TMEM94: variants seen among roughly 807,000 people sequenced by gnomAD.
The protein encoded by TMEM94 is transmembrane protein 94.
TMEM94 carries 81 observed loss-of-function variants against 158.6 expected under a neutral mutation model. The ratio of observed to expected loss-of-function variants is 0.51; its 90% CI spans 0.43 to 0.61. The LOEUF is 0.61. Ranked by LOEUF, TMEM94 falls within the 20% of genes least tolerant of loss-of-function variation. The probability of loss-of-function intolerance (pLI) is 0.00; values close to 1 mark genes in which losing one functional copy is unlikely to be tolerated. For missense variants in TMEM94, 1,435 were observed against 1,762.0 expected (o/e 0.81, Z 3.32); for synonymous variants, 751 against 730.7 (o/e 1.03, Z -0.45).
chr17:75,498,076 C>T lies in TMEM94; in HGVS notation c.3490-99C>T. The T allele has an allele frequency of 6.6e-7, 1 of 1,507,910 alleles. No homozygotes were observed. The highest frequency in any genetic ancestry group is 1.2e-5 in the South Asian group (1 of 82,654). 93.4% of individuals were successfully genotyped at this position (1,507,910 alleles called of 1,614,324 possible). The stretch of plus-strand genomic sequence containing the variant: ...GGCTTGAGCTCCCTATCCCCCCAGG[C>T]CTGACCATTTACTAAGAGCCCGTTG... On this transcript the variant is annotated intron_variant, in intron 27 of 31. Transcript: ENST00000314256. The surrounding 1 kb of genome is among the most constrained non-coding windows in gnomAD (Gnocchi z 6.7).
chr17:75,492,375 G>T lies in TMEM94; in HGVS notation c.1597-99G>T, dbSNP rs1314002546. ...TCTCTCCTGGGAAGGGTGCCTTTCA[G>T]GGGCAGGAGCCCTCCCCAGCCTTGG... is the stretch of plus-strand genomic sequence containing the variant. On this transcript the variant is annotated intron_variant, in intron 14 of 31. Coordinates refer to ENST00000314256, the MANE Select transcript of TMEM94 (RefSeq NM_014738.6). The surrounding 1 kb of genome is among the most constrained non-coding windows in gnomAD (Gnocchi z 4.4). The T allele has an allele frequency of 6.8e-7, 1 of 1,467,882 alleles. No individual in the cohort carries two copies. Among genetic ancestry groups the T allele is most frequent in the Middle Eastern group, 2.2e-4 (1 of 4,512 alleles). The allele number at this position is 1,467,882 out of a possible 1,614,324, so 90.9% of individuals were successfully genotyped here.
rs2050564915 is a variant in TMEM94 at position 75,473,340 on chromosome 17, G to A, written c.24+1411G>A. ...TTGGCACAGAGGGAAAGCTACACTT[G>A]CCTCTCTCTTAGCTGGGAGTTAAGG... On this transcript the variant is annotated intron_variant, in intron 2 of 31. Transcript: ENST00000314256. Among the ~76,000 whole-genome samples the A allele has an allele frequency of 2.0e-5, 3 of 152,228 alleles. No individual in the cohort carries two copies. In the South Asian group the frequency reaches 6.2e-4, roughly 31 times the overall value.
Position 75,495,651 on chromosome 17 carries a change from C to T in TMEM94, c.2944+8C>T. The T allele has an allele frequency of 6.2e-7, 1 of 1,612,576 alleles. No individual in the cohort carries two copies. Among genetic ancestry groups the T allele is most frequent in the East Asian group, 2.2e-5 (1 of 44,890 alleles). On this transcript the variant is annotated splice_region_variant and intron_variant, in intron 22 of 31. Transcript: ENST00000314256. This position sits in a 1 kb window ranked among gnomAD's most constrained non-coding sequence, Gnocchi z 5.6. Reference sequence around the variant, plus strand: ...CCGACTGCACCCCAGAGAGTGAGTGCTGTGGCCATGGGTACTTGGGCAACC... The same window carrying T: ...CCGACTGCACCCCAGAGAGTGAGTGTTGTGGCCATGGGTACTTGGGCAACC...
Position 75,485,954 on chromosome 17 carries a change from C to T in TMEM94, c.228C>T (p.Ala76=), listed in dbSNP as rs771729866. 7.8e-5 allele frequency: 126 copies of T among 1,613,382 alleles called. No individual in the cohort carries two copies. The highest frequency in any genetic ancestry group is 9.6e-5 in the Non-Finnish European group (113 of 1,179,906). The part of the protein sequence containing the change: ...HWPGASLMLL[A]VLLLLGCCGG... Reference sequence around the variant, plus strand: ...CGGGGGCCTCACTCATGCTACTGGCCGTGCTGCTGCTGCTGGGCTGCTGCG... The same window carrying T: ...CGGGGGCCTCACTCATGCTACTGGCTGTGCTGCTGCTGCTGGGCTGCTGCG... The change falls in exon 4 of 32, where the codon GCC becomes GCT. Residue 76 remains alanine, a synonymous_variant. Coordinates refer to ENST00000314256, the MANE Select transcript of TMEM94 (RefSeq NM_014738.6). This position sits in a 1 kb window ranked among gnomAD's most constrained non-coding sequence, Gnocchi z 5.5.
Position 75,498,986 on chromosome 17 carries a change from G to T in TMEM94, c.3902G>T (p.Gly1301Val). Residue 1301 changes from glycine (G) to valine (V), a missense_variant, in exon 31 of 32, where the codon GGC (glycine) becomes GTC (valine). Around this residue, in one of 3 missense-constraint regions of TMEM94, gnomAD observed 335 missense variants for 409.1 expected, o/e 0.82. Coordinates refer to ENST00000314256, the MANE Select transcript of TMEM94 (RefSeq NM_014738.6). The surrounding 1 kb of genome is among the most constrained non-coding windows in gnomAD (Gnocchi z 6.7). ...WTHRDSHVHF[G>V]LEDVPLLTWL... ...CACAGGGACAGCCACGTCCACTTTG[G>T]CCTGGAGGACGTGCCCCTGCTGACA... 6.2e-7 allele frequency: 1 copy of T among 1,601,814 alleles called. No homozygotes were observed.
Position 75,498,666 on chromosome 17 carries a change from CCT to C in TMEM94, c.3772_3773del (p.Leu1258ValfsTer67). ...TCACCCATGTGCATCGCACCAAGCC[CCT>C]GTGGAGAAAGAGCCCCTTGACCAAC... ...SITHVHRTKPLWRKSPLTNLW... is the reference protein window; with the variant it reads ...SITHVHRTKPXWRKSPLTNLW... On this transcript the variant is annotated frameshift_variant, in exon 30 of 32. Transcript: ENST00000314256. LOFTEE classifies it high-confidence loss of function. This position sits in a 1 kb window ranked among gnomAD's most constrained non-coding sequence, Gnocchi z 6.7. 1 of 1,599,428 alleles carries C rather than the reference CCT, an allele frequency of 6.3e-7. No homozygotes were observed. The highest frequency in any genetic ancestry group is 8.5e-7 in the Non-Finnish European group (1 of 1,172,490).
At position 75,484,065 on chromosome 17, in the gene TMEM94, G is replaced by A. The variant is rs556214585; in HGVS notation, c.25-1363G>A. On this transcript the variant is annotated intron_variant, in intron 2 of 31. Coordinates refer to ENST00000314256, the MANE Select transcript of TMEM94 (RefSeq NM_014738.6). ...CAGGGAAAGGCTGGGCCACAAGGTC[G>A]CCTAAGATGATGTGGTTGGTCCCTG... Among the ~76,000 whole-genome samples the A allele has an allele frequency of 2.6e-5, 4 of 152,304 alleles. No homozygotes were observed. The South Asian group carries it at 6.2e-4, about 24-fold the overall frequency.
rs764892133 is a variant in TMEM94, at chr17:75,491,329, G to C, written c.1260G>C (p.Gly420=). 2.5e-6 allele frequency: 4 copies of C among 1,614,040 alleles called. No homozygotes were observed. Among genetic ancestry groups the C allele is most frequent in the African/African-American group, 2.7e-5 (2 of 74,938 alleles). The part of the protein sequence containing the change: ...VTVLCCVDKQ[G]ILSWPNPSPE... ...TCCTGTGCTGTGTGGACAAACAGGGGATCCTGTCATGGCCAAATCCCAGCC... is the reference window on the plus strand; with the variant it reads ...TCCTGTGCTGTGTGGACAAACAGGGCATCCTGTCATGGCCAAATCCCAGCC... The change falls in exon 13 of 32, where the codon GGG becomes GGC. Residue 420 remains glycine (G), a synonymous_variant. Transcript: ENST00000314256. The surrounding 1 kb of genome is among the most constrained non-coding windows in gnomAD (Gnocchi z 5.1).
At position 75,498,498 on chromosome 17, in the gene TMEM94, G is replaced by A. The variant is rs774484617; in HGVS notation, c.3693G>A (p.Ser1231=). Residue 1231 remains serine, a synonymous_variant, in exon 29 of 32, where the codon TCG becomes TCA. Coordinates refer to ENST00000314256, the MANE Select transcript of TMEM94 (RefSeq NM_014738.6). The surrounding 1 kb of genome is among the most constrained non-coding windows in gnomAD (Gnocchi z 6.7). ...AGGACTTTGCCAATGGACTGCTGTC[G>A]GCTCAGAAGCTCACGGCCGCCCTGA... ...WFEDFANGLL[S]AQKLTAALIV... The A allele has an allele frequency of 1.8e-5, 29 of 1,595,372 alleles. No homozygotes were observed. Among genetic ancestry groups the A allele is most frequent in the South Asian group, 3.4e-5 (3 of 88,264 alleles).
intron 1 of TMEM94, among the ~76,000 whole-genome samples, chr17:75,461,872 C>T (rs2050081745): frequency 6.7e-6 from 1 of 149,806 alleles, no homozygotes; most frequent in African/African-American, 2.5e-5. Flanking sequence ...CGAGATCGTG[C>T]CACTGCACTC....
At chr17:75,482,925 G>A (rs1598373158) in intron 2 of TMEM94, among the ~76,000 whole-genome samples, 1 of 152,198 alleles carries the variant, frequency 6.6e-6, no homozygotes. Flanking sequence ...AGCCAGCTGT[G>A]TCAATCTGTG....
chr17:75,482,085 A>G (rs1048962304), intron 2 of TMEM94, among the ~76,000 whole-genome samples: 2 of 152,084 alleles, frequency 1.3e-5, no homozygotes, highest in African/African-American at 2.4e-5. Flanking sequence ...GCTCAGGCCT[A>G]TAATCCTAAC....
intron 2 of TMEM94, among the ~76,000 whole-genome samples, chr17:75,474,672 C>G (rs1268346477): frequency 6.6e-6 from 1 of 152,010 alleles, no homozygotes; most frequent in Non-Finnish European, 1.5e-5. Flanking sequence ...AACAAAAAAC[C>G]AAAAACAGTC....
rs2052348013 is a variant in TMEM94, at chr17:75,492,935, C to T, written c.1919C>T (p.Thr640Ile). ...LCELARLIGFTPGAKELFKQE... is the reference protein window; with the variant it reads ...LCELARLIGFIPGAKELFKQE... ...CCTGTTCCCCGCCCTGCAGGCTTCA[C>T]TCCTGGGGCCAAGGAGCTTTTCAAG... Residue 640 changes from threonine to isoleucine, a missense_variant, in exon 16 of 32, where the codon ACT (threonine) becomes ATT (isoleucine). Physicochemically the swap from Thr to Ile is moderately conservative, Grantham distance 89 (BLOSUM62 -1). Coordinates refer to ENST00000314256, the MANE Select transcript of TMEM94 (RefSeq NM_014738.6). This position sits in a 1 kb window ranked among gnomAD's most constrained non-coding sequence, Gnocchi z 4.4. 6.2e-7 allele frequency: 1 copy of T among 1,612,798 alleles called. No homozygotes were observed. The highest frequency in any genetic ancestry group is 1.1e-5 in the South Asian group (1 of 91,034).
intron 2 of TMEM94, among the ~76,000 whole-genome samples, chr17:75,480,736 C>T (rs561504354): frequency 1.3e-4 from 20 of 152,374 alleles, no homozygotes; most frequent in Non-Finnish European, 1.9e-4. Context: ...CATTCTAGGC[C>T]GAGCATCTTC....
In TMEM94 at chr17:75,468,580, A is replaced by G. The variant is rs538945826; in HGVS notation, c.-106-3220A>G. On this transcript the variant is annotated intron_variant, in intron 1 of 31. Coordinates refer to ENST00000314256, the MANE Select transcript of TMEM94 (RefSeq NM_014738.6). ...ATTTCAGTTGGCGACCAAAGACTGA[A>G]TGTCACTGCATTGCAAGGCCACTTC... Among the ~76,000 whole-genome samples the G allele has an allele frequency of 1.5e-3, 224 of 152,310 alleles. 3 individuals are homozygous for G. The highest frequency in any genetic ancestry group is 4.5e-3 in the African/African-American group (186 of 41,564).
Position 75,496,287 on chromosome 17 carries a change from C to T in TMEM94, c.3059C>T (p.Ala1020Val). Residue 1020 changes from alanine to valine, a missense_variant, in exon 24 of 32, where the codon GCC (alanine) becomes GTC (valine). Around this residue, in one of 3 missense-constraint regions of TMEM94, gnomAD observed 49 missense variants for 98.5 expected, o/e 0.50. Coordinates refer to ENST00000314256, the MANE Select transcript of TMEM94 (RefSeq NM_014738.6). The stretch of plus-strand genomic sequence containing the variant: ...GTGTCCCCCACCCTGAGCAGCATTG[C>T]CCTGGATCCCCTGTACCCATCCCGT... ...CLFLQSDISI[A>V]LDPLYPSRCS... 3 of 1,614,184 alleles carry T rather than the reference C, an allele frequency of 1.9e-6. No individual in the cohort carries two copies. The highest frequency in any genetic ancestry group is 2.5e-6 in the Non-Finnish European group (3 of 1,180,034).
rs868576252 is a variant in TMEM94, at chr17:75,472,356, G to A, written c.24+427G>A. Among the ~76,000 whole-genome samples the A allele has an allele frequency of 6.6e-5, 10 of 152,338 alleles. 1 individual carries two copies. The highest frequency in any genetic ancestry group is 2.2e-4 in the African/African-American group (9 of 41,572). Reference sequence around the variant, plus strand: ...AAACACAGCTGCCTAATCAGCCGGTGGTGAGCAGCCAGGTGGCCTGGGCCA... The same window carrying A: ...AAACACAGCTGCCTAATCAGCCGGTAGTGAGCAGCCAGGTGGCCTGGGCCA... On this transcript the variant is annotated intron_variant, in intron 2 of 31. Transcript: ENST00000314256.
At position 75,493,699 on chromosome 17, in the gene TMEM94, A is replaced by G. The variant is rs1277555934; in HGVS notation, c.2190A>G (p.Arg730=). ...TCACCTCCGCCTGCTTCCCTGGCAG[A>G]AAGAAAGTGCTGGACTTCTACCAGC... ...ADIYPLSGSD[R]KKVLDFYQRA... Residue 730 remains arginine, a splice_region_variant and synonymous_variant, in exon 18 of 32, where the codon AGA becomes AGG. Coordinates refer to ENST00000314256, the MANE Select transcript of TMEM94 (RefSeq NM_014738.6). The G allele has an allele frequency of 6.2e-7, 1 of 1,613,990 alleles. No homozygotes were observed. The highest frequency in any genetic ancestry group is 2.2e-5 in the East Asian group (1 of 44,884).
Sources: gnomAD v4.1 joint callset for allele counts (sites outside exome capture counted in the v4.1 genomes callset) on GRCh38, gnomAD v4.1.1 for gene constraint, gnomAD v4.1.1 regional missense constraint, Gnocchi (gnomAD v3.1) non-coding constraint, MANE v1.5 for transcripts, NCBI Gene and HGNC (gene_info 2026-07-23, HGNC 2026-07-21) for gene names.